The following MROH7 variants were observed in gnomAD, a reference collection of about 807,000 sequenced individuals.
MROH7 encodes maestro heat-like repeat-containing protein family member 7.
In MROH7, 113 loss-of-function variants were observed where a neutral mutation model predicts 129.2. The observed-to-expected ratio is 0.87, with a 90% confidence interval of 0.75 to 1.02. The LOEUF (loss-of-function observed/expected upper bound fraction) is 1.02. Among genes scored for constraint, MROH7 ranks in the 50% least tolerant of loss-of-function variants. The pLI, the probability that MROH7 is intolerant of heterozygous loss-of-function variation, is 0.00. For missense variants in MROH7, 1,601 were observed against 1,671.3 expected (o/e 0.96, Z 0.73); for synonymous variants, 655 against 667.9 (o/e 0.98, Z 0.30).
rs941746170 is a variant in MROH7, at chr1:54,653,271, T to C, written c.345T>C (p.Pro115=). 4 of 1,614,044 alleles carry C rather than the reference T, an allele frequency of 2.5e-6. No individual in the cohort carries two copies. The highest frequency in any genetic ancestry group is 1.6e-4 in the Middle Eastern group (1 of 6,084). The part of the protein sequence containing the change: ...LDLDSKDVSR[P]DSQGRLCPAS... ...TGGATTCCAAGGATGTCTCAAGGCC[T>C]GACTCACAGGGGCGCCTCTGTCCAG... The change falls in exon 3 of 24, where the codon CCT becomes CCC. Residue 115 remains proline (P), a synonymous_variant. Coordinates refer to ENST00000421030, the MANE Select transcript of MROH7 (RefSeq NM_001039464.4).
At chr1:54,678,984 G>T in intron 11 of MROH7, 130 bp downstream of exon 11, 1 of 750,250 alleles carries the variant, frequency 1.3e-6, no homozygotes. Flanking sequence ...ACCCACGCCT[G>T]TCCTGAGTGC....
At chr1:54,655,780 T>G (rs1295254927) in intron 3 of MROH7, among the ~76,000 whole-genome samples, 2 of 152,158 alleles carry the variant, frequency 1.3e-5, no homozygotes, top group African/African-American at 4.8e-5. Context: ...TATCAATTTA[T>G]TCACCTATTC....
chr1:54,654,061 G>A lies in MROH7; in HGVS notation c.1135G>A (p.Glu379Lys). ...PLEENLESWS[E>K]MASIKVGQFP... Reference sequence around the variant, plus strand: ...GGAGGAGAATCTGGAGAGTTGGAGTGAGATGGCCAGCATTAAGGTGGGCCA... The same window carrying A: ...GGAGGAGAATCTGGAGAGTTGGAGTAAGATGGCCAGCATTAAGGTGGGCCA... Residue 379 changes from glutamate to lysine, a missense_variant, in exon 3 of 24, where the codon GAG becomes AAG. Glu to Lys is a moderately conservative substitution (Grantham distance 56). Coordinates refer to ENST00000421030, the MANE Select transcript of MROH7 (RefSeq NM_001039464.4). 1.2e-6 allele frequency: 2 copies of A among 1,614,178 alleles called. No individual in the cohort carries two copies. Among genetic ancestry groups the A allele is most frequent in the South Asian group, 2.2e-5 (2 of 91,078 alleles).
chr1:54,710,077 G>C lies in MROH7; in HGVS notation c.3862G>C (p.Ala1288Pro). 6.2e-7 allele frequency: 1 copy of C among 1,614,046 alleles called. No homozygotes were observed. The highest frequency in any genetic ancestry group is 8.5e-7 in the Non-Finnish European group (1 of 1,180,006). ...PHGNSWVCYS[A>P]TTHRWSPSCE... is the part of the protein sequence containing the mutation. ...CGGGAACTCATGGGTGTGTTACTCA[G>C]CCACCACCCACCGCTGGAGCCCCAG... Residue 1288 changes from alanine (A) to proline (P), a missense_variant, in exon 24 of 24, where the codon GCC becomes CCC. Physicochemically the swap from Ala to Pro is conservative, Grantham distance 27 (BLOSUM62 -1). Transcript: ENST00000421030.
At position 54,701,958 on chromosome 1, in the gene MROH7, TG is replaced by T. The variant is rs989307412; in HGVS notation, c.3286-127del. The T allele has an allele frequency of 1.8e-5, 13 of 712,332 alleles. No individual in the cohort carries two copies. In the African/African-American group the frequency reaches 2.2e-4, roughly 12 times the overall value. 44.1% of individuals were successfully genotyped at this position (712,332 alleles called of 1,614,324 possible). On this transcript the variant is annotated intron_variant, in intron 19 of 23. Coordinates refer to ENST00000421030, the MANE Select transcript of MROH7 (RefSeq NM_001039464.4). ...AGCACTCAGGTGCCTTTTAGGTTAG[TG>T]GGGGTCTGGCTGGGAAGAGTCGGGA... is the stretch of plus-strand genomic sequence containing the variant.
rs1194716244 is a variant in MROH7 at position 54,695,795 on chromosome 1, G to C, written c.2964+305G>C. 11 of 398,832 alleles carry C rather than the reference G, an allele frequency of 2.8e-5. No individual in the cohort carries two copies. In the Admixed American group the frequency reaches 3.3e-4, roughly 12 times the overall value. The allele number at this position is 398,832 out of a possible 1,614,324, so 24.7% of individuals were successfully genotyped here. On this transcript the variant is annotated intron_variant, in intron 17 of 23. Transcript: ENST00000421030. The stretch of plus-strand genomic sequence containing the variant: ...GAATTTGACTCTACCCTGCCCTCAA[G>C]GAATTTTTGGTGTGGCAGAGGACAC...
chr1:54,660,647 C>G (rs1475123861), intron 3 of MROH7, among the ~76,000 whole-genome samples: 1 of 152,090 alleles, frequency 6.6e-6, no homozygotes, highest in Non-Finnish European at 1.5e-5. Flanking sequence ...AACCCCAACT[C>G]TACTAAAAAT....
chr1:54,684,048 G>A (rs187320624), intron 14 of MROH7, among the ~76,000 whole-genome samples: 191 of 152,272 alleles, frequency 1.3e-3, no homozygotes, highest in African/African-American at 4.4e-3. Flanking sequence ...TACACCTGGC[G>A]CATAGTAAGC....
At chr1:54,679,781 C>A in intron 12 of MROH7, 110 bp from the exon 13 acceptor site, 1 of 1,085,854 alleles carries the variant, frequency 9.2e-7, no homozygotes, top group Non-Finnish European at 1.3e-6. Context: ...TTTGGGCCTT[C>A]TCCCCTGTCC....
At chr1:54,694,062 A>G (rs1645281975) in intron 16 of MROH7, among the ~76,000 whole-genome samples, 3 of 151,946 alleles carry the variant, frequency 2.0e-5, no homozygotes, top group Admixed American at 2.0e-4. Flanking sequence ...TTGTGTTTTT[A>G]GTAGAGACGG....
At chr1:54,665,300 C>T (rs1486576550) in intron 4 of MROH7, 60 bp downstream of exon 4, 7 of 1,334,228 alleles carry the variant, frequency 5.2e-6, no homozygotes, top group Non-Finnish European at 7.5e-6. Flanking sequence ...CTGCCAACCC[C>T]CTACCCCCCA....
rs560236581 is a variant in MROH7 at position 54,706,413 on chromosome 1, T to C, written c.3565-22T>C. The C allele has an allele frequency of 3.8e-6, 6 of 1,586,866 alleles. No homozygotes were observed. In the African/African-American group the frequency reaches 6.8e-5, roughly 18 times the overall value. On this transcript the variant is annotated intron_variant, in intron 21 of 23. Transcript: ENST00000421030. ...TGGTTCCTCTGAGAGGCCAGCACTT[T>C]TGGGGTTTCTCTTTGTCCTAGGTGA...
At chr1:54,670,985 A>G in intron 7 of MROH7, 56 bp downstream of exon 7, 1 of 1,527,006 alleles carries the variant, frequency 6.5e-7, no homozygotes, top group Non-Finnish European at 8.8e-7. Flanking sequence ...CTGGGAGGAG[A>G]TATGGAGCTG....
chr1:54,696,659 CTTTTTTTTTTTTTTTTTT>C (rs1157748080), intron 17 of MROH7, among the ~76,000 whole-genome samples: 2 of 66,882 alleles, frequency 3.0e-5, no homozygotes, highest in Admixed American at 2.1e-4. Flanking sequence ...AATTTCCTTA[CTTTTTTTTTTTTTTTTTT>C]TTTTTTTTTT....
intron 3 of MROH7, among the ~76,000 whole-genome samples, chr1:54,659,457 ATT>A (rs762971443): frequency 1.1e-4 from 7 of 64,936 alleles, no homozygotes; most frequent in African/African-American, 1.8e-4. Flanking sequence ...TAATTTTTGT[ATT>A]TTTTTTTTTT....
rs181655955 is a variant in MROH7, at chr1:54,702,109, C to T, written c.3305C>T (p.Ser1102Phe). The T allele has an allele frequency of 1.0e-4, 162 of 1,604,992 alleles. 1 individual carries two copies. In the Middle Eastern group the frequency reaches 2.2e-3, roughly 21 times the overall value. The change falls in exon 20 of 24, where the codon TCC becomes TTC. Residue 1102 changes from serine to phenylalanine, a missense_variant. Physicochemically the swap from Ser to Phe is radical, Grantham distance 155. Coordinates refer to ENST00000421030, the MANE Select transcript of MROH7 (RefSeq NM_001039464.4). ...CCCCAGGCACGAGAGGTCGTGCGCT[C>T]CTCCTGCATCAACCTGTATGGGAAG... The part of the protein sequence containing the change: ...HFSDAREVVR[S>F]SCINLYGKVV...
chr1:54,678,571 C>T (rs1488972076), intron 10 of MROH7, among the ~76,000 whole-genome samples, 171 bp from the exon 11 acceptor site: 1 of 152,140 alleles, frequency 6.6e-6, no homozygotes, highest in African/African-American at 2.4e-5. Context: ...ACAAGAGGGG[C>T]TTCTGGGGTG....
chr1:54,669,443 T>C (rs1047710791), intron 5 of MROH7, among the ~76,000 whole-genome samples: 2 of 152,236 alleles, frequency 1.3e-5, no homozygotes, highest in African/African-American at 2.4e-5. Flanking sequence ...AAAAAGTCCT[T>C]GCCCTCCATA....
chr1:54,707,985 A>G (rs1054885788), intron 22 of MROH7, among the ~76,000 whole-genome samples: 1 of 152,236 alleles, frequency 6.6e-6, no homozygotes, highest in Admixed American at 6.5e-5. Context: ...ACAATGTGGT[A>G]TAAACAGATA....
Sources: gnomAD v4.1 joint callset for allele counts (sites outside exome capture counted in the v4.1 genomes callset) on GRCh38, gnomAD v4.1.1 for gene constraint, MANE v1.5 for transcripts, NCBI Gene and HGNC (gene_info 2026-07-23, HGNC 2026-07-21) for gene names.